Variants in TMTC4 observed in about 807,000 individuals in gnomAD.
The protein encoded by TMTC4 is transmembrane O-mannosyltransferase targeting cadherins 4, also known as protein O-mannosyl-transferase TMTC4.
In TMTC4, 65 loss-of-function variants were observed where a neutral mutation model predicts 86.0. The ratio of observed to expected loss-of-function variants is 0.76; its 90% CI spans 0.62 to 0.93. The LOEUF (loss-of-function observed/expected upper bound fraction) is 0.93, where lower values mean the gene tolerates loss of function less well. Ranked by LOEUF, TMTC4 falls within the 40% of genes least tolerant of loss-of-function variation. The pLI is 0.00. For missense variants in TMTC4, 866 were observed against 948.1 expected, an observed-to-expected ratio of 0.91 and a Z score of 1.14; for synonymous variants, 379 against 382.5, an observed-to-expected ratio of 0.99 and a Z score of 0.11.
intron 10 of TMTC4, among the ~76,000 whole-genome samples, chr13:100,636,097 A>C (rs1296972278): frequency 6.6e-6 from 1 of 152,222 alleles, no homozygotes; most frequent in Non-Finnish European, 1.5e-5. Flanking sequence ...ATCAAGAAAG[A>C]ACAGTCTCTT....
chr13:100,614,184 A>G, intron 16 of TMTC4, 132 bp downstream of exon 16: 1 of 719,332 alleles, frequency 1.4e-6, no homozygotes, highest in Non-Finnish European at 2.3e-6. Context: ...GTAATAGAAA[A>G]TAATTAACTT....
intron 6 of TMTC4, among the ~76,000 whole-genome samples, chr13:100,651,544 G>A (rs1047911030): frequency 4.2e-5 from 6 of 141,372 alleles, no homozygotes; most frequent in South Asian, 2.3e-4. Flanking sequence ...GAAATGTTAT[G>A]TGAGTACATT....
At chr13:100,607,196 C>T (rs1174377364) in intron 17 of TMTC4, among the ~76,000 whole-genome samples, 5 of 152,306 alleles carry the variant, frequency 3.3e-5, no homozygotes, top group Middle Eastern at 3.4e-3. Context: ...CATCCACCTT[C>T]GCATTCCTTA....
At chr13:100,637,824 T>C (rs1435096795) in intron 8 of TMTC4, 106 bp downstream of exon 8, 6 of 1,535,066 alleles carry the variant, frequency 3.9e-6, no homozygotes, top group South Asian at 2.5e-5. Context: ...AAAAGGCTGG[T>C]TATTGTAGAA....
At chr13:100,652,954 T>C (rs1051553772) in intron 6 of TMTC4, among the ~76,000 whole-genome samples, 2 of 152,318 alleles carry the variant, frequency 1.3e-5, no homozygotes, top group African/African-American at 2.4e-5. Context: ...GGTGATGGAA[T>C]GAATGACTAA....
chr13:100,656,541 A>ATTTTTTTTTTTTT, intron 5 of TMTC4, 73 bp from the exon 6 acceptor site: 6 of 462,914 alleles, frequency 1.3e-5, no homozygotes, highest in Admixed American at 1.5e-4. Flanking sequence ...AGGAGACATA[A>ATTTTTTTTTTTTT]CTTTTTTTTT....
intron 12 of TMTC4, among the ~76,000 whole-genome samples, chr13:100,632,045 ACACACACACTCTCTCTCTCTCT>A (rs1157881712): frequency 6.1e-5 from 4 of 65,052 alleles, no homozygotes; most frequent in Non-Finnish European, 1.5e-4. Context: ...ACACACACAC[ACACACACACTCTCTCTCTCTCT>A]CTCTCTCTCT....
chr13:100,658,134 G>T (rs967940219), intron 5 of TMTC4, among the ~76,000 whole-genome samples: 2 of 152,176 alleles, frequency 1.3e-5, no homozygotes, highest in Non-Finnish European at 2.9e-5. Flanking sequence ...AATACTCAGG[G>T]CTGGAAACTC....
At chr13:100,649,145 T>C (rs986662156) in intron 6 of TMTC4, among the ~76,000 whole-genome samples, 4 of 152,206 alleles carry the variant, frequency 2.6e-5, no homozygotes, top group Admixed American at 2.6e-4. Flanking sequence ...TGTGCATGAA[T>C]GATAAACCAA....
intron 15 of TMTC4, among the ~76,000 whole-genome samples, chr13:100,615,683 C>T (rs1402291904): frequency 2.0e-5 from 3 of 150,458 alleles, no homozygotes; most frequent in Admixed American, 6.6e-5. Context: ...AAATTCCTGG[C>T]CTCAACTGAT....
intron 5 of TMTC4, among the ~76,000 whole-genome samples, chr13:100,658,956 G>A (rs546022976): frequency 6.6e-6 from 1 of 152,350 alleles, no homozygotes. Flanking sequence ...CACTGTTTGA[G>A]AATGTACATA....
intron 6 of TMTC4, 61 bp from the exon 7 acceptor site, chr13:100,642,372 TCAG>T: frequency 6.3e-7 from 1 of 1,578,886 alleles, no homozygotes; most frequent in Admixed American, 1.7e-5. Flanking sequence ...TTTTTTAGCA[TCAG>T]GAACTAAAAT....
upstream of TMTC4, chr13:100,674,860 C>G (rs1160231879): frequency 2.8e-5 from 27 of 975,588 alleles, no homozygotes; most frequent in Non-Finnish European, 3.3e-5. Context: ...ACCCGACCCC[C>G]CCCGCGCCGC....
At chr13:100,674,566 C>T (rs1887595149) in intron 1 of TMTC4, 178 bp downstream of exon 1, 2 of 982,506 alleles carry the variant, frequency 2.0e-6, no homozygotes, top group South Asian at 9.4e-5. Flanking sequence ...TCCCCCGTGA[C>T]CCCGGCCCGG....
intron 10 of TMTC4, among the ~76,000 whole-genome samples, chr13:100,636,271 C>T (rs577906072): frequency 4.3e-4 from 66 of 152,250 alleles, no homozygotes; most frequent in African/African-American, 1.5e-3. Context: ...TGAAAAGGAT[C>T]GCAAAATGCT....
chr13:100,604,883 T>C lies in TMTC4; in HGVS notation c.*111A>G. On this transcript the variant is annotated 3_prime_UTR_variant, in exon 19 of 19. Coordinates refer to ENST00000342624, the MANE Select transcript of TMTC4 (RefSeq NM_032813.5). ...ATGTCTTTGTTTTCATAGAAAAAAA[T>C]CAGTAAAATAACATGTCTAAGACTT... The C allele has an allele frequency of 8.0e-7, 1 of 1,253,296 alleles. No individual in the cohort carries two copies. Among genetic ancestry groups the C allele is most frequent in the East Asian group, 2.7e-5 (1 of 36,502 alleles). 77.6% of individuals were successfully genotyped at this position (1,253,296 alleles called of 1,614,324 possible). A position where few individuals can be genotyped will look rare whatever the true frequency, so the allele number is the denominator to read the frequency against.
Position 100,642,225 on chromosome 13 carries a change from C to G in TMTC4, c.727G>C (p.Gly243Arg). Residue 243 changes from glycine (G) to arginine (R), a missense_variant, in exon 7 of 19, where the codon GGG becomes CGG. Physicochemically the swap from Gly to Arg is moderately radical, Grantham distance 125 (BLOSUM62 -2). Transcript: ENST00000342624. The part of the protein sequence containing the change: ...GAVAMLCKEQ[G>R]ITVLGLNAVF... ...GCGGCTCTCACCAGCACAGTGATCC[C>G]TTGCTCTTTGCACAGCATGGCCACT... is the stretch of plus-strand genomic sequence containing the variant. 1.2e-6 allele frequency: 2 copies of G among 1,614,198 alleles called. No individual in the cohort carries two copies. The highest frequency in any genetic ancestry group is 1.7e-6 in the Non-Finnish European group (2 of 1,180,038).
At chr13:100,631,179 G>C (rs1013099326) in intron 12 of TMTC4, among the ~76,000 whole-genome samples, 2 of 152,212 alleles carry the variant, frequency 1.3e-5, no homozygotes, top group African/African-American at 4.8e-5. Flanking sequence ...AACTAGCACA[G>C]AAGTCGAAGA....
At chr13:100,638,700 T>A (rs1274362936) in intron 7 of TMTC4, 2 of 152,250 alleles carry the variant, frequency 1.3e-5, no homozygotes. Flanking sequence ...TGTTTGGTTG[T>A]AAAACTTGGG....
Sources: gnomAD v4.1 joint callset for allele counts (sites outside exome capture counted in the v4.1 genomes callset) on GRCh38, gnomAD v4.1.1 for gene constraint, MANE v1.5 for transcripts, NCBI Gene and HGNC (gene_info 2026-07-23, HGNC 2026-07-21) for gene names.